Variants in DNAJC17 observed in about 807,000 individuals in gnomAD.
DNAJC17 encodes the protein dnaJ homolog subfamily C member 17.
DNAJC17 carries 35 observed loss-of-function variants against 48.1 expected under a neutral mutation model. The ratio of observed to expected loss-of-function variants is 0.73; its 90% CI spans 0.56 to 0.96. DNAJC17 has a LOEUF of 0.96. DNAJC17 is among the 50% of genes least tolerant of loss of function. DNAJC17 has a pLI of 0.00. For missense variants in DNAJC17, 355 were observed against 377.1 expected (o/e 0.94, Z 0.48); for synonymous variants, 117 against 142.7 (o/e 0.82, Z 1.28).
chr15:40,801,302 A>G (rs1890066497), intron 1 of DNAJC17, among the ~76,000 whole-genome samples: 1 of 152,248 alleles, frequency 6.6e-6, no homozygotes. Context: ...TAAGTGCTAG[A>G]AAAAAGAAAA....
In DNAJC17 at chr15:40,781,533, T is replaced by C. The variant is rs1484906205; in HGVS notation, c.79-1536A>G. 2.0e-5 allele frequency among the ~76,000 whole-genome samples: 3 copies of C among 152,018 alleles called. No individual in the cohort carries two copies. The East Asian group carries it at 5.8e-4, about 29-fold the overall frequency. On this transcript the variant is annotated intron_variant, in intron 1 of 10. Coordinates refer to ENST00000220496, the MANE Select transcript of DNAJC17 (RefSeq NM_018163.3). ...AATAAAAAATAAATTTCAAAAAGTT[T>C]GTTCAGGAATTTGCCACGCTTATTA...
chr15:40,767,087 A>G lies in DNAJC17; in HGVS notation c.*853T>C. 1.3e-6 allele frequency: 1 copy of G among 782,830 alleles called. No homozygotes were observed. The highest frequency in any genetic ancestry group is 3.0e-5 in the South Asian group (1 of 33,100). The allele number at this position is 782,830 out of a possible 1,614,324, so 48.5% of individuals were successfully genotyped here. On this transcript the variant is annotated 3_prime_UTR_variant, in exon 11 of 11. Coordinates refer to ENST00000220496, the MANE Select transcript of DNAJC17 (RefSeq NM_018163.3). ...GAAGGGGAGGAGGCAGGGGGCGTGC[A>G]CTTACCCCAGCGCCCAGCAAGCAGC... is the stretch of plus-strand genomic sequence containing the variant.
At chr15:40,789,926 A>G (rs998216100) in intron 1 of DNAJC17, among the ~76,000 whole-genome samples, 1 of 149,974 alleles carries the variant, frequency 6.7e-6, no homozygotes, top group African/African-American at 2.5e-5. Context: ...AAAAAAAAAA[A>G]AAAAAGAAAA....
At chr15:40,788,576 G>A (rs1190614095) in intron 1 of DNAJC17, among the ~76,000 whole-genome samples, 3 of 151,898 alleles carry the variant, frequency 2.0e-5, no homozygotes, top group Non-Finnish European at 4.4e-5. Context: ...GGCGCCTGTA[G>A]TCCCAGCTAC....
At chr15:40,790,060 C>T (rs1889755946) in intron 1 of DNAJC17, among the ~76,000 whole-genome samples, 1 of 152,094 alleles carries the variant, frequency 6.6e-6, no homozygotes, top group Non-Finnish European at 1.5e-5. Flanking sequence ...GAAATGGAAA[C>T]TGTGCTATGG....
intron 7 of DNAJC17, 110 bp downstream of exon 7, chr15:40,775,443 C>A (rs534078681): frequency 1.4e-4 from 181 of 1,262,510 alleles, no homozygotes; most frequent in Non-Finnish European, 2.0e-4. Flanking sequence ...GCGGGCTCCA[C>A]GCAGATCCAG....
intron 1 of DNAJC17, among the ~76,000 whole-genome samples, chr15:40,790,295 C>A (rs1034832879): frequency 1.3e-5 from 2 of 152,072 alleles, no homozygotes; most frequent in Non-Finnish European, 2.9e-5. Flanking sequence ...AGGTGTGGGC[C>A]GGGCGCAGAG....
chr15:40,767,207 C>G lies in DNAJC17; in HGVS notation c.*733G>C, dbSNP rs376440278. The G allele has an allele frequency of 3.9e-5, 58 of 1,487,294 alleles. No homozygotes were observed. Among genetic ancestry groups the G allele is most frequent in the South Asian group, 1.4e-4 (10 of 71,928 alleles). The allele number at this position is 1,487,294 out of a possible 1,614,324, so 92.1% of individuals were successfully genotyped here. On this transcript the variant is annotated 3_prime_UTR_variant, in exon 11 of 11. Coordinates refer to ENST00000220496, the MANE Select transcript of DNAJC17 (RefSeq NM_018163.3). Reference sequence around the variant, plus strand: ...TGCTGTGTGCCCCTCCTCACCCCCCCCATCCTGTCTCTTTGCAGTTATGAA... The same window carrying G: ...TGCTGTGTGCCCCTCCTCACCCCCCGCATCCTGTCTCTTTGCAGTTATGAA...
chr15:40,797,008 C>T (rs566008339), intron 1 of DNAJC17, among the ~76,000 whole-genome samples: 28 of 152,162 alleles, frequency 1.8e-4, no homozygotes, highest in South Asian at 1.7e-3. Flanking sequence ...CTCAAGCAAT[C>T]CTCCTGCCTC....
chr15:40,806,975 T>C, intron 1 of DNAJC17: 2 of 403,378 alleles, frequency 5.0e-6, no homozygotes, highest in Non-Finnish European at 9.0e-6. Flanking sequence ...TCTAGGCTCT[T>C]AGTGGAAGAA....
In DNAJC17 at chr15:40,767,463, C is replaced by T. The variant is rs1008133201; in HGVS notation, c.*477G>A. On this transcript the variant is annotated 3_prime_UTR_variant, in exon 11 of 11. Coordinates refer to ENST00000220496, the MANE Select transcript of DNAJC17 (RefSeq NM_018163.3). ...TGCTCCTCTCTTCCCAAATCATCACCGCCATGGGCCCAGCCCCAAAGGGCA... is the reference window on the plus strand; with the variant it reads ...TGCTCCTCTCTTCCCAAATCATCACTGCCATGGGCCCAGCCCCAAAGGGCA... The T allele has an allele frequency of 5.7e-6, 7 of 1,222,364 alleles. No homozygotes were observed. In the African/African-American group the frequency reaches 7.9e-5, roughly 14 times the overall value. The allele number at this position is 1,222,364 out of a possible 1,614,324, so 75.7% of individuals were successfully genotyped here.
chr15:40,806,344 A>C (rs1031265387), intron 1 of DNAJC17, among the ~76,000 whole-genome samples: 1 of 149,440 alleles, frequency 6.7e-6, no homozygotes, highest in African/African-American at 2.5e-5. Flanking sequence ...TCAGCCTCCC[A>C]AGTAGCTGGG....
At chr15:40,791,179 C>A (rs1889790910) in intron 1 of DNAJC17, among the ~76,000 whole-genome samples, 1 of 151,828 alleles carries the variant, frequency 6.6e-6, no homozygotes, top group Non-Finnish European at 1.5e-5. Context: ...CTCTAAAAAA[C>A]CATAATAAAT....
chr15:40,806,497 G>A (rs1039766915), intron 1 of DNAJC17, among the ~76,000 whole-genome samples: 7 of 152,022 alleles, frequency 4.6e-5, no homozygotes, highest in Admixed American at 3.9e-4. Context: ...GATTACAGGC[G>A]TGAGCCACCG....
Position 40,767,235 on chromosome 15 carries a change from C to A in DNAJC17, c.*705G>T. On this transcript the variant is annotated 3_prime_UTR_variant, in exon 11 of 11. Transcript: ENST00000220496. ...TCCTGTCTCTTTGCAGTTATGAATA[C>A]TACGTCGATGACCCTCCCCGCATAG... The A allele has an allele frequency of 6.4e-7, 1 of 1,561,604 alleles. No homozygotes were observed.
Position 40,769,978 on chromosome 15 carries a change from ACAGC to A in DNAJC17, c.793-1920_793-1917del, listed in dbSNP as rs1322759255. ...CAAAAACACATCTCCACCGCCACAA[ACAGC>A]CAGGCCACTCATCAGAGTCCGGGAG... On this transcript the variant is annotated intron_variant, in intron 10 of 10. Transcript: ENST00000220496. This position sits in a 1 kb window ranked among gnomAD's most constrained non-coding sequence, Gnocchi z 4.2. The A allele has an allele frequency of 1.3e-5, 2 of 155,240 alleles. No homozygotes were observed. The highest frequency in any genetic ancestry group is 6.3e-5 in the Admixed American group (1 of 15,750). The allele number at this position is 155,240 out of a possible 1,614,324, so 9.6% of individuals were successfully genotyped here.
At chr15:40,784,449 G>A (rs1889589279) in intron 1 of DNAJC17, among the ~76,000 whole-genome samples, 1 of 152,038 alleles carries the variant, frequency 6.6e-6, no homozygotes, top group Non-Finnish European at 1.5e-5. Flanking sequence ...CACTCATATT[G>A]TCAAATATGC....
chr15:40,780,292 AGC>A (rs1298206837), intron 1 of DNAJC17: 1 of 562,802 alleles, frequency 1.8e-6, no homozygotes, highest in East Asian at 4.2e-5. Flanking sequence ...CTTTCTCGAC[AGC>A]CACTCGAAGA....
At chr15:40,768,211 G>T in intron 10 of DNAJC17, 149 bp from the exon 11 acceptor site, 1 of 1,173,246 alleles carries the variant, frequency 8.5e-7, no homozygotes, top group African/African-American at 1.6e-5. Flanking sequence ...CATCCTTTTG[G>T]AATCCTGGCT....
Sources: gnomAD v4.1 joint callset for allele counts (sites outside exome capture counted in the v4.1 genomes callset) on GRCh38, gnomAD v4.1.1 for gene constraint, Gnocchi (gnomAD v3.1) non-coding constraint, MANE v1.5 for transcripts, NCBI Gene and HGNC (gene_info 2026-07-23, HGNC 2026-07-21) for gene names.